The following PARD3B variants were observed in gnomAD, a reference collection of about 807,000 sequenced individuals.
The protein encoded by PARD3B is partitioning defective 3 homolog B.
A neutral mutation model predicts 130.2 loss-of-function variants in PARD3B; 103 were observed. The observed-to-expected ratio is 0.79, with a 90% confidence interval of 0.67 to 0.93. The LOEUF is 0.93. Ranked by LOEUF, PARD3B falls within the 40% of genes least tolerant of loss-of-function variation. PARD3B has a pLI of 0.00. For synonymous variants in PARD3B, 583 were observed against 553.2 expected (o/e 1.05, Z -0.76); for missense variants, 1,609 against 1,499.2 (o/e 1.07, Z -1.21).
At chr2:204,641,283 T>C (rs2035067442) in intron 1 of PARD3B, among the ~76,000 whole-genome samples, 1 of 151,320 alleles carries the variant, frequency 6.6e-6, no homozygotes, top group Admixed American at 6.6e-5. Flanking sequence ...GGCATTTGGT[T>C]GGAACTTCTA....
rs1173823799 is a variant in PARD3B, at chr2:205,619,112, ATCAAAT to A, written c.*3301_*3306del. Reference sequence around the variant, plus strand: ...GTAGCTATAGTTTTCCACCAAGTCAATCAAATTAAAACATGACTCATTGTCCCCTCC... The same window carrying A: ...GTAGCTATAGTTTTCCACCAAGTCAATAAAACATGACTCATTGTCCCCTCC... On this transcript the variant is annotated 3_prime_UTR_variant, in exon 23 of 23. Transcript: ENST00000406610. 1 of 152,178 alleles carries A rather than the reference ATCAAAT, an allele frequency of 6.6e-6. No homozygotes were observed. Among genetic ancestry groups the A allele is most frequent in the Non-Finnish European group, 1.5e-5 (1 of 68,024 alleles). The allele number at this position is 152,178 out of a possible 1,614,324, so 9.4% of individuals were successfully genotyped here. A position where few individuals can be genotyped will look rare whatever the true frequency, so the allele number is the denominator to read the frequency against.
chr2:205,590,807 A>C lies in PARD3B; in HGVS notation c.3261-24649A>C, dbSNP rs758178660. On this transcript the variant is annotated intron_variant, in intron 22 of 22. Transcript: ENST00000406610. The surrounding 1 kb of genome is among the most constrained non-coding windows in gnomAD (Gnocchi z 4.1). Reference sequence around the variant, plus strand: ...GAAGTAGGATGAGTACCAAATCCCTAAAAAATGTTCTGTCAAACCAGTACA... The same window carrying C: ...GAAGTAGGATGAGTACCAAATCCCTCAAAAATGTTCTGTCAAACCAGTACA... Among the ~76,000 whole-genome samples, 18 of 152,232 alleles carry C rather than the reference A, an allele frequency of 1.2e-4. No individual in the cohort carries two copies. The highest frequency in any genetic ancestry group is 3.9e-4 in the Admixed American group (6 of 15,286).
chr2:205,290,304 C>T (rs562170177), intron 16 of PARD3B, among the ~76,000 whole-genome samples: 53 of 152,308 alleles, frequency 3.5e-4, no homozygotes, highest in African/African-American at 1.2e-3. Flanking sequence ...TACACATAGA[C>T]TAGAATGTCT....
At chr2:204,882,350 C>G (rs7593310) in intron 2 of PARD3B, among the ~76,000 whole-genome samples, 1 of 152,134 alleles carries the variant, frequency 6.6e-6, no homozygotes, top group Non-Finnish European at 1.5e-5. Flanking sequence ...TCTAGATTAC[C>G]TCTTTTGGAG....
chr2:205,318,655 A>G (rs2105956552), intron 18 of PARD3B, among the ~76,000 whole-genome samples: 1 of 152,318 alleles, frequency 6.6e-6, no homozygotes, highest in African/African-American at 2.4e-5. Flanking sequence ...CATTTATACA[A>G]ACAATAGTTC....
At chr2:204,904,977 A>T (rs1358327065) in intron 2 of PARD3B, among the ~76,000 whole-genome samples, 1 of 152,252 alleles carries the variant, frequency 6.6e-6, no homozygotes, top group East Asian at 1.9e-4. Flanking sequence ...TTCTAATAAA[A>T]TTAAAGACTT....
chr2:204,932,093 T>C (rs756075765), intron 2 of PARD3B, among the ~76,000 whole-genome samples: 1 of 152,230 alleles, frequency 6.6e-6, no homozygotes, highest in Non-Finnish European at 1.5e-5. Flanking sequence ...TTTGGTATTA[T>C]CTTAGAGATC....
In PARD3B at chr2:205,281,815, A is replaced by G. The variant is rs975683356; in HGVS notation, c.2186-18715A>G. 5.3e-5 allele frequency among the ~76,000 whole-genome samples: 8 copies of G among 152,190 alleles called. No individual in the cohort carries two copies. The highest frequency in any genetic ancestry group is 7.3e-5 in the Non-Finnish European group (5 of 68,028). ...TGTTTTTCCATAAAAAAGAGGAAGA[A>G]AAAGAAATTTTATACATGAGTTTAC... On this transcript the variant is annotated intron_variant, in intron 16 of 22. Transcript: ENST00000406610. The surrounding 1 kb of genome is among the most constrained non-coding windows in gnomAD (Gnocchi z 4.2).
chr2:205,440,370 G>C lies in PARD3B; in HGVS notation c.2742G>C (p.Arg914Ser). Reference sequence around the variant, plus strand: ...TTGCTACCTGTACTGTATTTTTCAGGATTGGAGCAAAACATCAGGAGCTAA... The same window carrying C: ...TTGCTACCTGTACTGTATTTTTCAGCATTGGAGCAAAACATCAGGAGCTAA... ...ELEKMKEERE[R>S]IGAKHQELRE... is the part of the protein sequence containing the mutation. Residue 914 changes from arginine (R) to serine (S), a missense_variant and splice_region_variant, in exon 20 of 23, where the codon AGG becomes AGC. Arg to Ser is a moderately radical substitution (Grantham distance 110). Coordinates refer to ENST00000406610, the MANE Select transcript of PARD3B (RefSeq NM_001302769.2). The surrounding 1 kb of genome is among the most constrained non-coding windows in gnomAD (Gnocchi z 4.2). 6.2e-7 allele frequency: 1 copy of C among 1,613,444 alleles called. No homozygotes were observed. Among genetic ancestry groups the C allele is most frequent in the Non-Finnish European group, 8.5e-7 (1 of 1,179,562 alleles).
intron 16 of PARD3B, among the ~76,000 whole-genome samples, chr2:205,261,644 A>G (rs1473193991): frequency 6.6e-6 from 1 of 152,180 alleles, no homozygotes. Flanking sequence ...ATAAGAAACC[A>G]CATAATAAAA....
chr2:204,999,312 T>G (rs951051160), intron 3 of PARD3B, among the ~76,000 whole-genome samples: 2 of 152,196 alleles, frequency 1.3e-5, no homozygotes, highest in Non-Finnish European at 2.9e-5. Flanking sequence ...TCGTTTTGCC[T>G]TGTTAAATGG....
intron 2 of PARD3B, among the ~76,000 whole-genome samples, chr2:204,905,137 A>G (rs887464032): frequency 2.0e-5 from 3 of 152,228 alleles, no homozygotes; most frequent in Non-Finnish European, 2.9e-5. Flanking sequence ...CAGAGATAAC[A>G]TGGAGAGATC....
chr2:205,200,968 T>A (rs2036956302), intron 15 of PARD3B, among the ~76,000 whole-genome samples: 1 of 152,182 alleles, frequency 6.6e-6, no homozygotes, highest in Admixed American at 6.5e-5. Context: ...CCAGAGCTAG[T>A]TCTGTGTTTT....
intron 18 of PARD3B, among the ~76,000 whole-genome samples, chr2:205,361,107 GA>G (rs1275929538): frequency 6.6e-6 from 1 of 151,296 alleles, no homozygotes; most frequent in Non-Finnish European, 1.5e-5. Context: ...ATAAGGATAA[GA>G]AAAAAAAACT....
intron 4 of PARD3B, among the ~76,000 whole-genome samples, chr2:205,096,458 G>T (rs1702405916): frequency 6.6e-6 from 1 of 152,160 alleles, no homozygotes; most frequent in Admixed American, 6.6e-5. Flanking sequence ...ACCAGATGAA[G>T]AGAAGGTGTG....
chr2:205,488,534 A>G (rs1025368815), intron 20 of PARD3B, among the ~76,000 whole-genome samples: 4 of 152,172 alleles, frequency 2.6e-5, no homozygotes, highest in Non-Finnish European at 5.9e-5. Context: ...GACTCTGCCT[A>G]TGATCTCTCA....
intron 1 of PARD3B, among the ~76,000 whole-genome samples, chr2:204,550,503 A>G (rs928753918): frequency 1.1e-4 from 17 of 151,684 alleles, no homozygotes; most frequent in Admixed American, 8.6e-4. Context: ...ATGAGGATGT[A>G]TAGTGTGTTC....
At chr2:204,839,623 C>G (rs1575109453) in intron 2 of PARD3B, among the ~76,000 whole-genome samples, 1 of 152,276 alleles carries the variant, frequency 6.6e-6, no homozygotes, top group Middle Eastern at 3.4e-3. Flanking sequence ...CCACATCCCA[C>G]TGTTCCCTGT....
Position 205,265,821 on chromosome 2 carries a change from A to G in PARD3B, c.2185+19999A>G, listed in dbSNP as rs562983370. On this transcript the variant is annotated intron_variant, in intron 16 of 22. Coordinates refer to ENST00000406610, the MANE Select transcript of PARD3B (RefSeq NM_001302769.2). This position sits in a 1 kb window ranked among gnomAD's most constrained non-coding sequence, Gnocchi z 4.3. ...TTCAGAGATGAATTTTATCAAATAC[A>G]TATTTTTAAATTAAATGGGCTATCA... Among the ~76,000 whole-genome samples, 1 of 152,176 alleles carries G rather than the reference A, an allele frequency of 6.6e-6. No homozygotes were observed. The highest frequency in any genetic ancestry group is 2.4e-5 in the African/African-American group (1 of 41,568).
Sources: gnomAD v4.1 joint callset for allele counts (sites outside exome capture counted in the v4.1 genomes callset) on GRCh38, gnomAD v4.1.1 for gene constraint, Gnocchi (gnomAD v3.1) non-coding constraint, MANE v1.5 for transcripts, NCBI Gene and HGNC (gene_info 2026-07-23, HGNC 2026-07-21) for gene names.